The following SGSM2 variants were observed in gnomAD, a reference collection of about 807,000 sequenced individuals.
The protein encoded by SGSM2 is small G protein signaling modulator 2, also known as RUN and TBC1 domain containing 1.
In SGSM2, 89 loss-of-function variants were observed where a neutral mutation model predicts 126.6. That is an observed-to-expected ratio of 0.70 (90% CI 0.59 to 0.84). SGSM2 has a LOEUF of 0.84. Among genes scored for constraint, SGSM2 ranks in the 40% least tolerant of loss-of-function variants. SGSM2 has a pLI of 0.00. For synonymous variants in SGSM2, 614 were observed against 574.3 expected (o/e 1.07, Z -0.99); for missense variants, 1,404 against 1,416.6 (o/e 0.99, Z 0.14).
rs750581004 is a variant in SGSM2 at position 2,365,195 on chromosome 17, A to G, written c.1162-20A>G. 1 of 1,603,280 alleles carries G rather than the reference A, an allele frequency of 6.2e-7. No homozygotes were observed. The stretch of plus-strand genomic sequence containing the variant: ...AGACTCTGCCCTATACAGCCCGACC[A>G]CCTACCCCTCCTTCCACAGGGGAAA... On this transcript the variant is annotated intron_variant, in intron 10 of 23. Transcript: ENST00000268989.
chr17:2,345,885 C>G (rs543072803), intron 2 of SGSM2, among the ~76,000 whole-genome samples: 1 of 152,096 alleles, frequency 6.6e-6, no homozygotes, highest in Non-Finnish European at 1.5e-5. Flanking sequence ...AACTGAGGCT[C>G]GTTGAAAGCA....
rs955913012 is a variant in SGSM2, at chr17:2,363,747, G to A, written c.807+148G>A. ...AGCCTCCCAACTCCCTGTTTCACACGACTCACGCCCAGCCTTTAGTTGGCA... is the reference window on the plus strand; with the variant it reads ...AGCCTCCCAACTCCCTGTTTCACACAACTCACGCCCAGCCTTTAGTTGGCA... On this transcript the variant is annotated intron_variant, in intron 7 of 23. Transcript: ENST00000268989. This position sits in a 1 kb window ranked among gnomAD's most constrained non-coding sequence, Gnocchi z 4.2. 10 of 1,217,052 alleles carry A rather than the reference G, an allele frequency of 8.2e-6. No individual in the cohort carries two copies. Among genetic ancestry groups the A allele is most frequent in the African/African-American group, 4.6e-5 (3 of 65,518 alleles). The allele number at this position is 1,217,052 out of a possible 1,614,324, so 75.4% of individuals were successfully genotyped here. A position where few individuals can be genotyped will look rare whatever the true frequency, so the allele number is the denominator to read the frequency against.
chr17:2,373,131 G>A (rs1413930114), intron 16 of SGSM2, 50 bp downstream of exon 16: 9 of 1,603,058 alleles, frequency 5.6e-6, no homozygotes, highest in African/African-American at 1.3e-5. Context: ...AGCTGGGCCA[G>A]GGGACGCCAG....
At chr17:2,361,832 T>C in intron 3 of SGSM2, 33 bp downstream of exon 3, 1 of 1,560,126 alleles carries the variant, frequency 6.4e-7, no homozygotes, top group Non-Finnish European at 8.7e-7. Flanking sequence ...CTTCCCTCCT[T>C]TCAGCTCTTC....
intron 21 of SGSM2, 99 bp from the exon 22 acceptor site, chr17:2,377,758 G>T: frequency 1.3e-6 from 1 of 757,806 alleles, no homozygotes. Flanking sequence ...GCCAGGTTGG[G>T]GATCGCCTGC....
chr17:2,380,572 A>C lies in SGSM2; in HGVS notation c.*1052A>C. 1.9e-6 allele frequency: 1 copy of C among 524,744 alleles called. No homozygotes were observed. Among genetic ancestry groups the C allele is most frequent in the Non-Finnish European group, 3.4e-6 (1 of 290,268 alleles). The allele number at this position is 524,744 out of a possible 1,614,324, so 32.5% of individuals were successfully genotyped here. A position where few individuals can be genotyped will look rare whatever the true frequency, so the allele number is the denominator to read the frequency against. On this transcript the variant is annotated 3_prime_UTR_variant, in exon 24 of 24. Transcript: ENST00000268989. ...TGCCAAGAGGCCTAGGAACCCAGAA[A>C]CCCCCTTGGAGGAGCTGTGTATGCG... is the stretch of plus-strand genomic sequence containing the variant.
At chr17:2,361,574 G>C in intron 2 of SGSM2, 63 bp from the exon 3 acceptor site, 1 of 1,571,036 alleles carries the variant, frequency 6.4e-7, no homozygotes, top group Non-Finnish European at 8.6e-7. Context: ...TGGGGAAGAG[G>C]AGCTTTTCTT....
At chr17:2,365,427 G>A in intron 11 of SGSM2, 86 bp downstream of exon 11, 1 of 1,433,476 alleles carries the variant, frequency 7.0e-7, no homozygotes, top group Non-Finnish European at 9.3e-7. Flanking sequence ...AGGGCAGCAG[G>A]CAGGGCCCAC....
Position 2,373,459 on chromosome 17 carries a change from C to T in SGSM2, c.2046C>T (p.Ser682=), listed in dbSNP as rs773379393. 1 of 1,609,216 alleles carries T rather than the reference C, an allele frequency of 6.2e-7. No homozygotes were observed. ...GCACCAAGTTCTCCTCAGGCAGCAGCATCGACAGCCACGTGCAGCGCCTCA... is the reference window on the plus strand; with the variant it reads ...GCACCAAGTTCTCCTCAGGCAGCAGTATCGACAGCCACGTGCAGCGCCTCA... ...ATRTKFSSGS[S]IDSHVQRLIH... Residue 682 remains serine (S), a synonymous_variant, in exon 17 of 24, where the codon AGC becomes AGT. Transcript: ENST00000268989.
Position 2,377,726 on chromosome 17 carries a change from CAG to C in SGSM2, c.2803-130_2803-129del, listed in dbSNP as rs1326505432. ...GGGGGAGAGAGTGCACCGCGCAGCA[CAG>C]GGCAACAGACAGACCCACTGCCAGG... On this transcript the variant is annotated intron_variant, in intron 21 of 23. Transcript: ENST00000268989. The C allele has an allele frequency of 9.0e-6, 6 of 664,688 alleles. No individual in the cohort carries two copies. The East Asian group carries it at 1.3e-4, about 15-fold the overall frequency. 41.2% of individuals were successfully genotyped at this position (664,688 alleles called of 1,614,324 possible). A position where few individuals can be genotyped will look rare whatever the true frequency, so the allele number is the denominator to read the frequency against.
At position 2,337,633 on chromosome 17, in the gene SGSM2, AGGCGGCGAGGGCGCGGG is replaced by A. The variant is rs1041807867; in HGVS notation, c.-52_-36del. On this transcript the variant is annotated 5_prime_UTR_variant, in exon 1 of 24. Transcript: ENST00000268989. The surrounding 1 kb of genome is among the most constrained non-coding windows in gnomAD (Gnocchi z 5.1). ...TGGGGCGCTGAGCCGAGAGGCGCGG[AGGCGGCGAGGGCGCGGG>A]GGCTCTGAGGACCGCTCGGCGCCGC... 1 of 1,288,616 alleles carries A rather than the reference AGGCGGCGAGGGCGCGGG, an allele frequency of 7.8e-7. No individual in the cohort carries two copies. 79.8% of individuals were successfully genotyped at this position (1,288,616 alleles called of 1,614,324 possible). A position where few individuals can be genotyped will look rare whatever the true frequency, so the allele number is the denominator to read the frequency against.
chr17:2,347,627 A>C (rs922580026), intron 2 of SGSM2, among the ~76,000 whole-genome samples: 20 of 150,870 alleles, frequency 1.3e-4, no homozygotes, highest in African/African-American at 4.6e-4. Context: ...CTGGAGGGGA[A>C]GGTGCTTTTG....
chr17:2,357,816 C>T (rs1000409510), intron 2 of SGSM2, among the ~76,000 whole-genome samples: 4 of 152,206 alleles, frequency 2.6e-5, no homozygotes, highest in African/African-American at 9.7e-5. Flanking sequence ...ATGTTTCTCT[C>T]TTCTCCATTT....
chr17:2,340,589 C>CTT (rs1394935973), intron 1 of SGSM2, among the ~76,000 whole-genome samples: 1 of 141,854 alleles, frequency 7.0e-6, no homozygotes. Context: ...TGTTTGATTT[C>CTT]TTTTTTTTTT....
chr17:2,380,134 CCACTTCAGCAGCA>C lies in SGSM2; in HGVS notation c.*616_*628del. On this transcript the variant is annotated 3_prime_UTR_variant, in exon 24 of 24. Transcript: ENST00000268989. ...GATGTGGGCCCTGGGTGGGAGCAGC[CCACTTCAGCAGCA>C]CTGCCACTGCCTTTGGCCACCTGAG... The C allele has an allele frequency of 7.0e-7, 1 of 1,434,212 alleles. No homozygotes were observed. Among genetic ancestry groups the C allele is most frequent in the East Asian group, 2.7e-5 (1 of 37,006 alleles). The allele number at this position is 1,434,212 out of a possible 1,614,324, so 88.8% of individuals were successfully genotyped here. A position where few individuals can be genotyped will look rare whatever the true frequency, so the allele number is the denominator to read the frequency against.
At chr17:2,373,284 G>A (rs770904728) in intron 16 of SGSM2, 47 bp from the exon 17 acceptor site, 8 of 1,586,518 alleles carry the variant, frequency 5.0e-6, no homozygotes, top group Non-Finnish European at 6.9e-6. Context: ...TGAAGGGGAG[G>A]GCCTGGTGCA....
chr17:2,379,784 C>G lies in SGSM2; in HGVS notation c.*264C>G, dbSNP rs746962718. The G allele has an allele frequency of 5.5e-5, 75 of 1,359,086 alleles. No individual in the cohort carries two copies. The highest frequency in any genetic ancestry group is 6.8e-5 in the Non-Finnish European group (72 of 1,052,630). 84.2% of individuals were successfully genotyped at this position (1,359,086 alleles called of 1,614,324 possible). On this transcript the variant is annotated 3_prime_UTR_variant, in exon 24 of 24. Coordinates refer to ENST00000268989, the MANE Select transcript of SGSM2 (RefSeq NM_014853.3). Reference sequence around the variant, plus strand: ...GGGGACACACCTACTCTGCTCCCCTCTCACACATCTGGGAGTAGCCCCACT... The same window carrying G: ...GGGGACACACCTACTCTGCTCCCCTGTCACACATCTGGGAGTAGCCCCACT...
At position 2,377,915 on chromosome 17, in the gene SGSM2, A is replaced by C; in HGVS notation, c.2861A>C (p.Tyr954Ser). 3 of 1,613,146 alleles carry C rather than the reference A, an allele frequency of 1.9e-6. No homozygotes were observed. Among genetic ancestry groups the C allele is most frequent in the Non-Finnish European group, 2.5e-6 (3 of 1,179,172 alleles). Residue 954 changes from tyrosine (Y) to serine (S), a missense_variant, in exon 22 of 24, where the codon TAC (tyrosine) becomes TCC (serine). Coordinates refer to ENST00000268989, the MANE Select transcript of SGSM2 (RefSeq NM_014853.3). ...MHQNGDYTHFYFCYRWFLLDF... is the reference protein window; with the variant it reads ...MHQNGDYTHFSFCYRWFLLDF... ...CAGAATGGAGACTACACCCACTTCT[A>C]CTTCTGTTATCGCTGGTTCCTGCTG...
rs2065895402 is a variant in SGSM2, at chr17:2,372,044, A to G, written c.1578-146A>G. ...GGTGGCAGGCAGGGACAGGGCACCC[A>G]CTGACGGCTGCTGGGCTGCGGCTCC... is the stretch of plus-strand genomic sequence containing the variant. On this transcript the variant is annotated intron_variant, in intron 13 of 23. Coordinates refer to ENST00000268989, the MANE Select transcript of SGSM2 (RefSeq NM_014853.3). This position sits in a 1 kb window ranked among gnomAD's most constrained non-coding sequence, Gnocchi z 6.0. 1.1e-6 allele frequency: 1 copy of G among 942,764 alleles called. No individual in the cohort carries two copies. The highest frequency in any genetic ancestry group is 1.6e-6 in the Non-Finnish European group (1 of 614,666). 58.4% of individuals were successfully genotyped at this position (942,764 alleles called of 1,614,324 possible).
Sources: allele counts gnomAD v4.1 joint callset (sites outside exome capture counted in the v4.1 genomes callset), GRCh38; gene constraint gnomAD v4.1.1; non-coding constraint Gnocchi (gnomAD v3.1); transcripts MANE v1.5; gene names NCBI Gene and HGNC (gene_info 2026-07-23, HGNC 2026-07-21).